GALNT11: variants seen among roughly 807,000 people sequenced by gnomAD.
The protein encoded by GALNT11 is polypeptide N-acetylgalactosaminyltransferase 11.
In GALNT11, 47 loss-of-function variants were observed where a neutral mutation model predicts 72.7. The observed-to-expected ratio is 0.65, with a 90% CI of 0.51 to 0.82. GALNT11 has a LOEUF of 0.82. Ranked by LOEUF, GALNT11 falls within the 40% of genes least tolerant of loss-of-function variation. GALNT11 has a pLI of 0.00. For synonymous variants in GALNT11, 270 were observed against 286.6 expected, an observed-to-expected ratio of 0.94 and a Z score of 0.58; for missense variants, 677 against 778.4, an observed-to-expected ratio of 0.87 and a Z score of 1.55.
chr7:152,112,540 C>T, intron 7 of GALNT11, among the ~76,000 whole-genome samples: 1 of 86,534 alleles, frequency 1.2e-5, no homozygotes, highest in South Asian at 3.2e-4. Flanking sequence ...TGTGTCTCAA[C>T]AAAAAAAAAA....
intron 1 of GALNT11, among the ~76,000 whole-genome samples, chr7:152,086,580 C>T (rs2085662175): frequency 6.6e-6 from 1 of 152,124 alleles, no homozygotes; most frequent in Non-Finnish European, 1.5e-5. Context: ...TGATGTTGAG[C>T]TGTTGTGGAT....
At chr7:152,115,571 C>A (rs983194269) in intron 8 of GALNT11, among the ~76,000 whole-genome samples, 17 of 152,200 alleles carry the variant, frequency 1.1e-4, no homozygotes, top group African/African-American at 3.9e-4. Context: ...CTCTCCAGAA[C>A]ACTCTTTTTA....
At position 152,094,239 on chromosome 7, in the gene GALNT11, C is replaced by T. The variant is rs1053680769; in HGVS notation, c.12C>T (p.Val4=). 2.5e-6 allele frequency: 4 copies of T among 1,601,838 alleles called. No homozygotes were observed. The highest frequency in any genetic ancestry group is 1.1e-5 in the South Asian group (1 of 89,526). Residue 4 remains valine (V), a synonymous_variant, in exon 2 of 12, where the codon GTC becomes GTT. Coordinates refer to ENST00000430044, the MANE Select transcript of GALNT11 (RefSeq NM_022087.4). This position sits in a 1 kb window ranked among gnomAD's most constrained non-coding sequence, Gnocchi z 4.3. MGS[V]TVRYFCYGCL... ...ATGCTAGGTCTATAATGGGAAGTGTCACAGTTCGGTATTTCTGTTATGGGT... is the reference window on the plus strand; with the variant it reads ...ATGCTAGGTCTATAATGGGAAGTGTTACAGTTCGGTATTTCTGTTATGGGT...
At chr7:152,060,296 A>G (rs2083924770) in intron 1 of GALNT11, among the ~76,000 whole-genome samples, 2 of 152,298 alleles carry the variant, frequency 1.3e-5, no homozygotes, top group East Asian at 1.9e-4. Flanking sequence ...AGCTTTCTCC[A>G]TATCCGCATT....
chr7:152,035,967 CTCT>C (rs1355929515), intron 1 of GALNT11, among the ~76,000 whole-genome samples: 4 of 152,176 alleles, frequency 2.6e-5, no homozygotes, highest in African/African-American at 4.8e-5. Flanking sequence ...CTGCCCAGCT[CTCT>C]TCTTGCTTCT....
chr7:152,063,188 T>C (rs2084113291), intron 1 of GALNT11, among the ~76,000 whole-genome samples: 1 of 152,230 alleles, frequency 6.6e-6, no homozygotes. Context: ...CCTGGTTTAG[T>C]CTTGGGAGGG....
In GALNT11 at chr7:152,053,077, T is replaced by C. The variant is rs533410435; in HGVS notation, c.-39+27193T>C. On this transcript the variant is annotated intron_variant, in intron 1 of 11. Transcript: ENST00000430044. ...CTAAATCATGCTATGAGAGCGTCTT[T>C]CTTGAATTTTTCTAACTATATTTCT... Among the ~76,000 whole-genome samples the C allele has an allele frequency of 3.9e-5, 6 of 152,374 alleles. No homozygotes were observed. In the East Asian group the frequency reaches 1.2e-3, roughly 29 times the overall value.
chr7:152,028,908 G>T (rs772567589), intron 1 of GALNT11, among the ~76,000 whole-genome samples: 2 of 152,146 alleles, frequency 1.3e-5, no homozygotes, highest in Non-Finnish European at 2.9e-5. Flanking sequence ...TAGCTTGATG[G>T]TCTCAATTCT....
intron 1 of GALNT11, among the ~76,000 whole-genome samples, chr7:152,091,129 C>A (rs1364559780): frequency 0.056 from 2 of 36 alleles, no homozygotes; most frequent in Admixed American, 0.12. Context: ...CTCACTGCAA[C>A]CTCTGCTCCC....
At chr7:152,049,261 TC>T (rs1272602857) in intron 1 of GALNT11, among the ~76,000 whole-genome samples, 1 of 152,194 alleles carries the variant, frequency 6.6e-6, no homozygotes, top group Admixed American at 6.5e-5. Context: ...TACCCATCCT[TC>T]CTGGAAAGAC....
chr7:152,056,365 C>T (rs1369053877), intron 1 of GALNT11, among the ~76,000 whole-genome samples: 1 of 152,216 alleles, frequency 6.6e-6, no homozygotes, highest in Non-Finnish European at 1.5e-5. Flanking sequence ...AAAATGTCTT[C>T]AGACACTGCC....
At position 152,098,922 on chromosome 7, in the gene GALNT11, G is replaced by A. The variant is rs563839701; in HGVS notation, c.296-1876G>A. Reference sequence around the variant, plus strand: ...AAGTAGATATGGGGACACTAGTTGCGTTCAGATAAATTGGGGAAACACTGC... The same window carrying A: ...AAGTAGATATGGGGACACTAGTTGCATTCAGATAAATTGGGGAAACACTGC... On this transcript the variant is annotated intron_variant, in intron 2 of 11. Transcript: ENST00000430044. Among the ~76,000 whole-genome samples, 16 of 152,252 alleles carry A rather than the reference G, an allele frequency of 1.1e-4. No homozygotes were observed. The South Asian group carries it at 1.7e-3, about 16-fold the overall frequency.
chr7:152,107,343 A>G (rs1431969712), intron 5 of GALNT11: 1 of 152,138 alleles, frequency 6.6e-6, no homozygotes, highest in Non-Finnish European at 1.5e-5. Context: ...AACTAGAAGA[A>G]AGGTGTATCC....
chr7:152,026,047 C>T (rs2081993595), intron 1 of GALNT11, among the ~76,000 whole-genome samples, 163 bp downstream of exon 1: 1 of 151,900 alleles, frequency 6.6e-6, no homozygotes, highest in South Asian at 2.1e-4. Context: ...AGGCTCGTGT[C>T]TCCGGGAGAC....
At chr7:152,080,061 G>A (rs2085228771) in intron 1 of GALNT11, among the ~76,000 whole-genome samples, 1 of 152,234 alleles carries the variant, frequency 6.6e-6, no homozygotes, top group African/African-American at 2.4e-5. Flanking sequence ...TGTGGTAAAA[G>A]ATGGACATTA....
At chr7:152,053,767 G>A (rs188451896) in intron 1 of GALNT11, among the ~76,000 whole-genome samples, 3 of 152,318 alleles carry the variant, frequency 2.0e-5, no homozygotes, top group Admixed American at 2.0e-4. Flanking sequence ...GCCAAGGTGG[G>A]AGGATCACTT....
At chr7:152,115,890 C>T (rs963424388) in intron 8 of GALNT11, among the ~76,000 whole-genome samples, 1 of 151,740 alleles carries the variant, frequency 6.6e-6, no homozygotes, top group Non-Finnish European at 1.5e-5. Context: ...AACCCCATCT[C>T]TACTAAAAAT....
At chr7:152,108,475 T>A (rs1420949199) in intron 6 of GALNT11, among the ~76,000 whole-genome samples, 188 bp downstream of exon 6, 1 of 152,174 alleles carries the variant, frequency 6.6e-6, no homozygotes, top group Non-Finnish European at 1.5e-5. Flanking sequence ...GATTTATGAG[T>A]AAGACAGTAT....
rs189099821 is a variant in GALNT11, at chr7:152,036,486, C to T, written c.-39+10602C>T. Among the ~76,000 whole-genome samples, 230 of 152,228 alleles carry T rather than the reference C, an allele frequency of 1.5e-3. 2 individuals are homozygous for T. Among genetic ancestry groups the T allele is most frequent in the African/African-American group, 5.3e-3 (220 of 41,552 alleles). On this transcript the variant is annotated intron_variant, in intron 1 of 11. Coordinates refer to ENST00000430044, the MANE Select transcript of GALNT11 (RefSeq NM_022087.4). The stretch of plus-strand genomic sequence containing the variant: ...ATGTACCATGTTTTCTTTATCCATT[C>T]ATTTGTTGATGGACATTTAGGTTGC...
Sources: allele counts gnomAD v4.1 joint callset (sites outside exome capture counted in the v4.1 genomes callset), GRCh38; gene constraint gnomAD v4.1.1; non-coding constraint Gnocchi (gnomAD v3.1); transcripts MANE v1.5; gene names NCBI Gene and HGNC (gene_info 2026-07-23, HGNC 2026-07-21).